Variants in CA5A observed in about 807,000 individuals in gnomAD.
CA5A encodes carbonic anhydrase 5A, mitochondrial.
CA5A carries 28 observed loss-of-function variants against 37.1 expected under a neutral mutation model. That is an observed-to-expected ratio of 0.75 (90% CI 0.56 to 1.03). The LOEUF is 1.03. Ranked by LOEUF, CA5A falls within the 50% of genes least tolerant of loss-of-function variation. CA5A has a pLI of 0.00. For missense variants in CA5A, 444 were observed against 399.9 expected (o/e 1.11, Z -0.94); for synonymous variants, 171 against 158.4 (o/e 1.08, Z -0.60).
chr16:87,918,457 C>T (rs1334570965), intron 2 of CA5A, among the ~76,000 whole-genome samples: 1 of 142,846 alleles, frequency 7.0e-6, no homozygotes, highest in Non-Finnish European at 1.5e-5. Context: ...TGGAAAGAGC[C>T]CTTGCCGCCA....
At chr16:87,927,681 C>T (rs2056331369) in intron 1 of CA5A, among the ~76,000 whole-genome samples, 1 of 151,984 alleles carries the variant, frequency 6.6e-6, no homozygotes, top group Non-Finnish European at 1.5e-5. Context: ...ACCAACATGG[C>T]AAAACCCCAT....
At chr16:87,892,889 C>A in intron 5 of CA5A, 1 of 453,380 alleles carries the variant, frequency 2.2e-6, no homozygotes. Context: ...CTCCTGACCT[C>A]GGATGATCCA....
chr16:87,894,474 T>A (rs2055771942), intron 5 of CA5A, among the ~76,000 whole-genome samples: 1 of 151,672 alleles, frequency 6.6e-6, no homozygotes, highest in Non-Finnish European at 1.5e-5. Context: ...TCAAGAGAGG[T>A]GGCTGAGCTA....
intron 2 of CA5A, among the ~76,000 whole-genome samples, chr16:87,914,135 A>C (rs2056094531): frequency 6.6e-6 from 1 of 152,196 alleles, no homozygotes; most frequent in Admixed American, 6.5e-5. Context: ...GCTGAGAGAA[A>C]ACTGCAGCCA....
chr16:87,902,359 A>G, intron 4 of CA5A, 66 bp downstream of exon 4: 1 of 1,012,348 alleles, frequency 9.9e-7, no homozygotes, highest in Non-Finnish European at 1.5e-6. Context: ...TCTCAAAAAA[A>G]AAAAAGCAAT....
chr16:87,914,102 C>G (rs1315336865), intron 2 of CA5A, among the ~76,000 whole-genome samples: 1 of 152,262 alleles, frequency 6.6e-6, no homozygotes, highest in South Asian at 2.1e-4. Context: ...TCACCTGGCA[C>G]AGTCAGTGTT....
chr16:87,907,903 G>A (rs2055989566), intron 2 of CA5A, among the ~76,000 whole-genome samples: 1 of 152,228 alleles, frequency 6.6e-6, no homozygotes, highest in Non-Finnish European at 1.5e-5. Context: ...TCCAGCCTGG[G>A]CAACAAGAGT....
At position 87,917,115 on chromosome 16, in the gene CA5A, A is replaced by G. The variant is rs1284385522; in HGVS notation, c.340+9633T>C. ...GCGAGAGTCTGTCTCAAAAAAAAAA[A>G]AAAAAAGAAAAGAAAAGAAAGAAAA... On this transcript the variant is annotated intron_variant, in intron 2 of 6. Transcript: ENST00000649794. Among the ~76,000 whole-genome samples, 2 of 79,972 alleles carry G rather than the reference A, an allele frequency of 2.5e-5. 1 individual carries two copies. The highest frequency in any genetic ancestry group is 6.9e-4 in the South Asian group (2 of 2,900). 52.5% of individuals were successfully genotyped at this position (79,972 alleles called of 152,430 possible). A position where few individuals can be genotyped will look rare whatever the true frequency, so the allele number is the denominator to read the frequency against.
At chr16:87,890,684 C>G (rs1048420291) in intron 6 of CA5A, among the ~76,000 whole-genome samples, 2 of 152,206 alleles carry the variant, frequency 1.3e-5, no homozygotes, top group Non-Finnish European at 2.9e-5. Flanking sequence ...GGTGCCATCT[C>G]AGCTCACTGC....
At chr16:87,915,638 G>A (rs1343201203) in intron 2 of CA5A, among the ~76,000 whole-genome samples, 1 of 127,334 alleles carries the variant, frequency 7.9e-6, no homozygotes, top group Non-Finnish European at 1.6e-5. Context: ...GCAGTGGGCT[G>A]TGATTGCACC....
chr16:87,936,345 G>T lies in CA5A; in HGVS notation c.106C>A (p.Gln36Lys), dbSNP rs550623140. Residue 36 changes from glutamine (Q) to lysine (K), a missense_variant, in exon 1 of 7, where the codon CAG becomes AAG. Transcript: ENST00000649794. ...CTGGTTTGCCATGCACAGGAACGCT[G>T]AGAACACCATCGCCCTGGCCTCATC... Reference protein sequence around the residue: ...RSMRPGRWCSQRSCAWQTSNN... With the variant: ...RSMRPGRWCSKRSCAWQTSNN... 1 of 1,614,006 alleles carries T rather than the reference G, an allele frequency of 6.2e-7. No individual in the cohort carries two copies. Among genetic ancestry groups the T allele is most frequent in the African/African-American group, 1.3e-5 (1 of 75,016 alleles).
chr16:87,922,551 G>A (rs955697223), intron 2 of CA5A, among the ~76,000 whole-genome samples: 4 of 152,204 alleles, frequency 2.6e-5, no homozygotes, highest in Admixed American at 2.6e-4. Flanking sequence ...CTGCTCCACC[G>A]CCAACAGGGT....
At chr16:87,889,826 T>A (rs373578187) in intron 6 of CA5A, among the ~76,000 whole-genome samples, 1 of 152,238 alleles carries the variant, frequency 6.6e-6, no homozygotes, top group East Asian at 1.9e-4. Context: ...ATTATCTCAC[T>A]TGTTCACAGA....
chr16:87,918,921 C>T (rs560959333), intron 2 of CA5A, among the ~76,000 whole-genome samples: 28 of 151,966 alleles, frequency 1.8e-4, no homozygotes, highest in African/African-American at 5.8e-4. Context: ...ACCGGGAGCA[C>T]GTGAAGCTGA....
At chr16:87,902,025 G>T (rs755698327) in intron 4 of CA5A, 51 bp from the exon 5 acceptor site, 5 of 1,490,550 alleles carry the variant, frequency 3.4e-6, no homozygotes, top group African/African-American at 1.4e-5. Context: ...GGATGGGGGG[G>T]GAAGCTCACT....
chr16:87,907,957 T>C (rs4843736), intron 2 of CA5A, among the ~76,000 whole-genome samples: 17,422 of 152,012 alleles, frequency 0.11, 1,227 homozygotes, highest in African/African-American at 0.21. Flanking sequence ...ACAAAAGCGG[T>C]TGTTTCCGTC....
chr16:87,906,352 G>T (rs760995943), intron 2 of CA5A, among the ~76,000 whole-genome samples: 12 of 152,226 alleles, frequency 7.9e-5, no homozygotes, highest in Non-Finnish European at 1.3e-4. Flanking sequence ...CTTGGGCTGG[G>T]CGTGGTGGCT....
At chr16:87,912,559 G>A (rs932747508) in intron 2 of CA5A, among the ~76,000 whole-genome samples, 4 of 152,198 alleles carry the variant, frequency 2.6e-5, no homozygotes, top group African/African-American at 7.2e-5. Context: ...CCCACGTGCC[G>A]GGCACCACGC....
intron 1 of CA5A, among the ~76,000 whole-genome samples, chr16:87,934,509 G>C (rs996963562): frequency 6.6e-6 from 1 of 152,066 alleles, no homozygotes; most frequent in African/African-American, 2.4e-5. Flanking sequence ...TGGGGGTTGC[G>C]GTGAGCTGGA....
Sources: allele counts gnomAD v4.1 joint callset (sites outside exome capture counted in the v4.1 genomes callset), GRCh38; gene constraint gnomAD v4.1.1; transcripts MANE v1.5; gene names NCBI Gene and HGNC (gene_info 2026-07-23, HGNC 2026-07-21).